NUF2: variants seen among roughly 807,000 people sequenced by gnomAD.
NUF2 encodes kinetochore protein Nuf2.
A neutral mutation model predicts 61.8 loss-of-function variants in NUF2; 34 were observed. The observed-to-expected ratio is 0.55, with a 90% CI of 0.42 to 0.73. The LOEUF (loss-of-function observed/expected upper bound fraction) is 0.73, where lower values mean the gene tolerates loss of function less well. NUF2 is among the 30% of genes least tolerant of loss of function. The probability of loss-of-function intolerance (pLI) is 0.00; values close to 1 mark genes in which losing one functional copy is unlikely to be tolerated. For synonymous variants in NUF2, 172 were observed against 181.6 expected, an observed-to-expected ratio of 0.95 and a Z score of 0.42; for missense variants, 445 against 539.1, an observed-to-expected ratio of 0.83 and a Z score of 1.73.
At chr1:163,348,874 A>G (rs1378273206) in intron 12 of NUF2, 71 bp from the exon 13 acceptor site, 2 of 1,523,780 alleles carry the variant, frequency 1.3e-6, no homozygotes, top group East Asian at 2.3e-5. Context: ...TTTGGAATCA[A>G]AACTAGAATT....
At chr1:163,329,499 TG>T (rs1446987039) in intron 5 of NUF2, among the ~76,000 whole-genome samples, 1 of 152,170 alleles carries the variant, frequency 6.6e-6, no homozygotes, top group Non-Finnish European at 1.5e-5. Flanking sequence ...GGAAGCATGA[TG>T]CTGGCATTTG....
intron 5 of NUF2, 88 bp from the exon 6 acceptor site, chr1:163,336,663 C>T: frequency 1.3e-6 from 1 of 774,146 alleles, no homozygotes; most frequent in Non-Finnish European, 2.2e-6. Flanking sequence ...ATATTATGAG[C>T]AGAATATATA....
Position 163,328,868 on chromosome 1 carries a change from C to T in NUF2, c.298C>T (p.Arg100Trp), listed in dbSNP as rs755645930. The change falls in exon 5 of 14, where the codon CGG becomes TGG. Residue 100 changes from arginine (R) to tryptophan (W), a missense_variant. Arg to Trp is a moderately radical substitution (Grantham distance 101, BLOSUM62 -3). Coordinates refer to ENST00000271452, the MANE Select transcript of NUF2 (RefSeq NM_145697.3). ...AAGGGACTCATTTTTGCCTATCTGC[C>T]GGGTGAATGACTTTGAGACTGCTGA... The part of the protein sequence containing the change: ...THLDSFLPIC[R>W]VNDFETADIL... The T allele has an allele frequency of 2.9e-5, 46 of 1,606,584 alleles. No individual in the cohort carries two copies. The highest frequency in any genetic ancestry group is 1.6e-4 in the Middle Eastern group (1 of 6,064).
intron 4 of NUF2, 79 bp downstream of exon 4, chr1:163,328,383 C>T (rs1650495912): frequency 1.1e-6 from 1 of 893,636 alleles, no homozygotes; most frequent in Non-Finnish European, 1.8e-6. Flanking sequence ...ACATGGTTTT[C>T]TTTGGTAAGG....
intron 13 of NUF2, among the ~76,000 whole-genome samples, chr1:163,351,807 G>T (rs541131907): frequency 3.9e-5 from 6 of 152,070 alleles, no homozygotes; most frequent in African/African-American, 7.2e-5. Context: ...AAAGAAAAAA[G>T]GATATGATTG....
intron 5 of NUF2, among the ~76,000 whole-genome samples, chr1:163,330,684 C>G (rs1650565150): frequency 6.6e-6 from 1 of 152,032 alleles, no homozygotes; most frequent in African/African-American, 2.4e-5. Context: ...AATATTGGGT[C>G]TTCTGATCCA....
At chr1:163,353,337 T>A (rs947552494) in intron 13 of NUF2, among the ~76,000 whole-genome samples, 8 of 152,200 alleles carry the variant, frequency 5.3e-5, no homozygotes, top group Admixed American at 5.2e-4. Context: ...GTCTTAAATA[T>A]TTCTGATTTG....
At chr1:163,344,062 C>T (rs1651037400) in intron 10 of NUF2, among the ~76,000 whole-genome samples, 192 bp downstream of exon 10, 1 of 152,098 alleles carries the variant, frequency 6.6e-6, no homozygotes. Flanking sequence ...AATTTCAAGA[C>T]ATTTGTTCAA....
chr1:163,350,698 G>A (rs1189603745), intron 13 of NUF2, among the ~76,000 whole-genome samples: 2 of 152,006 alleles, frequency 1.3e-5, no homozygotes, highest in African/African-American at 4.8e-5. Flanking sequence ...CTGTGTATTC[G>A]AATTCAGTGA....
chr1:163,335,881 A>C (rs1021382646), intron 5 of NUF2, among the ~76,000 whole-genome samples: 3 of 152,086 alleles, frequency 2.0e-5, no homozygotes, highest in Non-Finnish European at 4.4e-5. Context: ...TATTCCCATC[A>C]GTGTAATTTT....
intron 8 of NUF2, among the ~76,000 whole-genome samples, chr1:163,340,096 A>C (rs559054214): frequency 6.6e-6 from 1 of 152,284 alleles, no homozygotes; most frequent in Non-Finnish European, 1.5e-5. Flanking sequence ...ACAAAATAAA[A>C]ATTTTTTCTT....
chr1:163,344,918 T>C (rs1397051560), intron 10 of NUF2, among the ~76,000 whole-genome samples: 1 of 152,076 alleles, frequency 6.6e-6, no homozygotes, highest in African/African-American at 2.4e-5. Context: ...CTTTGCTCTT[T>C]TACAAAAATA....
At chr1:163,348,162 C>G (rs941515079) in intron 12 of NUF2, among the ~76,000 whole-genome samples, 1 of 152,032 alleles carries the variant, frequency 6.6e-6, no homozygotes, top group African/African-American at 2.4e-5. Context: ...GTATACAGTT[C>G]CAATTCCTTT....
chr1:163,343,052 AAC>A (rs1651000236), intron 9 of NUF2, among the ~76,000 whole-genome samples: 1 of 152,152 alleles, frequency 6.6e-6, no homozygotes, highest in Non-Finnish European at 1.5e-5. Flanking sequence ...TCAGACTTAC[AAC>A]AAACTTTCAA....
chr1:163,354,357 T>G (rs1651420429), intron 13 of NUF2, among the ~76,000 whole-genome samples: 1 of 152,174 alleles, frequency 6.6e-6, no homozygotes, highest in African/African-American at 2.4e-5. Context: ...ATTCACTTAA[T>G]CTGTAGTAAT....
At chr1:163,339,218 G>A (rs1036708818) in intron 7 of NUF2, 163 bp from the exon 8 acceptor site, 3 of 564,506 alleles carry the variant, frequency 5.3e-6, no homozygotes, top group Non-Finnish European at 9.4e-6. Context: ...TCTGCCTGTA[G>A]TAGAGGCCAG....
chr1:163,347,420 A>G (rs1429011098), intron 11 of NUF2, among the ~76,000 whole-genome samples: 4 of 152,146 alleles, frequency 2.6e-5, no homozygotes, highest in Non-Finnish European at 5.9e-5. Flanking sequence ...TACTGCTTTG[A>G]ATTGTTTCTA....
At chr1:163,343,106 T>TA (rs1303215901) in intron 9 of NUF2, among the ~76,000 whole-genome samples, 2 of 152,192 alleles carry the variant, frequency 1.3e-5, no homozygotes, top group African/African-American at 4.8e-5. Flanking sequence ...TTCAAATAGT[T>TA]ACATTCATTT....
At chr1:163,353,088 GAAATA>G (rs1207697034) in intron 13 of NUF2, among the ~76,000 whole-genome samples, 2 of 152,086 alleles carry the variant, frequency 1.3e-5, no homozygotes, top group Admixed American at 6.5e-5. Context: ...TAATTACAGT[GAAATA>G]AAATAAAAAA....
Sources: allele counts gnomAD v4.1 joint callset (sites outside exome capture counted in the v4.1 genomes callset), GRCh38; gene constraint gnomAD v4.1.1; transcripts MANE v1.5; gene names NCBI Gene and HGNC (gene_info 2026-07-23, HGNC 2026-07-21).